UTRN: variants seen among roughly 807,000 people sequenced by gnomAD.
The protein encoded by UTRN is utrophin, also known as dystrophin-related protein 1.
In UTRN, 283 loss-of-function variants were observed where a neutral mutation model predicts 463.9. That is an observed-to-expected ratio of 0.61 (90% CI 0.55 to 0.67). The LOEUF (loss-of-function observed/expected upper bound fraction) is 0.67. Among genes scored for constraint, UTRN ranks in the 30% least tolerant of loss-of-function variants. The pLI is 0.00. For synonymous variants in UTRN, 1,442 were observed against 1,431.5 expected (o/e 1.01, Z -0.17); for missense variants, 3,922 against 4,084.3 (o/e 0.96, Z 1.08).
intron 2 of UTRN, chr6:144,344,443 T>C: frequency 1.0e-6 from 1 of 986,688 alleles, no homozygotes; most frequent in African/African-American, 1.7e-5. Context: ...CAGCCTGTCT[T>C]TCCTGCTGCC....
intron 25 of UTRN, among the ~76,000 whole-genome samples, chr6:144,476,054 C>T (rs578228081): frequency 3.4e-4 from 51 of 150,292 alleles, no homozygotes; most frequent in South Asian, 2.1e-3. Flanking sequence ...CCAGCCTGGG[C>T]GAAAGAGCCA....
At chr6:144,679,089 G>GT (rs1562754201) in intron 52 of UTRN, among the ~76,000 whole-genome samples, 1 of 152,002 alleles carries the variant, frequency 6.6e-6, no homozygotes, top group East Asian at 1.9e-4. Context: ...TAATCATGTT[G>GT]TTTTTTATGC....
chr6:144,637,982 C>T (rs1252842219), intron 51 of UTRN, among the ~76,000 whole-genome samples: 1 of 152,256 alleles, frequency 6.6e-6, no homozygotes, highest in South Asian at 2.1e-4. Flanking sequence ...ATAGAAGAGA[C>T]ATATTTAACC....
chr6:144,778,887 AT>A (rs1775573715), intron 60 of UTRN, among the ~76,000 whole-genome samples: 2 of 152,332 alleles, frequency 1.3e-5, no homozygotes, highest in South Asian at 4.1e-4. Flanking sequence ...GAAAATCTTA[AT>A]CATAATTTTC....
intron 2 of UTRN, among the ~76,000 whole-genome samples, chr6:144,292,934 A>G (rs960960581): frequency 6.6e-6 from 1 of 152,214 alleles, no homozygotes; most frequent in Non-Finnish European, 1.5e-5. Context: ...ATTTTCCTCC[A>G]TGATACCGGT....
chr6:144,769,556 C>T (rs150768614), intron 58 of UTRN, among the ~76,000 whole-genome samples: 25 of 152,298 alleles, frequency 1.6e-4, no homozygotes, highest in African/African-American at 2.4e-4. Context: ...CTTAGTCCTC[C>T]GCCTGACTGA....
At chr6:144,499,073 A>G (rs1276681907) in intron 33 of UTRN, among the ~76,000 whole-genome samples, 184 bp from the exon 34 acceptor site, 1 of 152,200 alleles carries the variant, frequency 6.6e-6, no homozygotes, top group East Asian at 1.9e-4. Flanking sequence ...CTTAACCACT[A>G]CAGCATATTG....
intron 47 of UTRN, among the ~76,000 whole-genome samples, chr6:144,549,359 A>G (rs1397488349): frequency 6.6e-6 from 1 of 152,236 alleles, no homozygotes; most frequent in Non-Finnish European, 1.5e-5. Flanking sequence ...GATACTGACA[A>G]GAATATTCTA....
At chr6:144,544,721 G>A (rs554866321) in intron 46 of UTRN, among the ~76,000 whole-genome samples, 10 of 150,898 alleles carry the variant, frequency 6.6e-5, no homozygotes, top group South Asian at 4.2e-4. Context: ...AACCTTTTTC[G>A]TTTTCCCACC....
At chr6:144,840,329 G>A (rs113856582) in intron 72 of UTRN, among the ~76,000 whole-genome samples, 3,200 of 152,012 alleles carry the variant, frequency 0.021, 104 homozygotes, top group African/African-American at 0.074. Context: ...AGGATAAGCT[G>A]GCCTAAGCTG....
Position 144,548,562 on chromosome 6 carries a change from T to C in UTRN, c.6596-78T>C, listed in dbSNP as rs181850779. 4.3e-4 allele frequency: 580 copies of C among 1,361,018 alleles called. No homozygotes were observed. The African/African-American group carries it at 6.2e-3, about 15-fold the overall frequency. The allele number at this position is 1,361,018 out of a possible 1,614,324, so 84.3% of individuals were successfully genotyped here. On this transcript the variant is annotated intron_variant, in intron 46 of 74. Transcript: ENST00000367545. ...AAACTAAATTTTATTTAAATACACA[T>C]ACACGTGTCACCATGACACCACCAT...
At chr6:144,404,575 C>T (rs1436742964) in intron 3 of UTRN, among the ~76,000 whole-genome samples, 2 of 152,150 alleles carry the variant, frequency 1.3e-5, no homozygotes, top group African/African-American at 4.8e-5. Context: ...TTAGATAGAA[C>T]AAGTGAAGCA....
At chr6:144,780,106 A>C (rs1171403137) in intron 60 of UTRN, among the ~76,000 whole-genome samples, 1 of 152,194 alleles carries the variant, frequency 6.6e-6, no homozygotes, top group Non-Finnish European at 1.5e-5. Flanking sequence ...TGTCTTTAAA[A>C]ATTCAAAATT....
chr6:144,676,345 A>G (rs1253145911), intron 51 of UTRN, among the ~76,000 whole-genome samples: 2 of 152,128 alleles, frequency 1.3e-5, no homozygotes, highest in African/African-American at 2.4e-5. Flanking sequence ...TAATAAAATA[A>G]TTAGGTTGAT....
intron 53 of UTRN, among the ~76,000 whole-genome samples, chr6:144,724,931 C>CT (rs1321899481): frequency 6.6e-6 from 1 of 152,096 alleles, no homozygotes; most frequent in Non-Finnish European, 1.5e-5. Flanking sequence ...ACATGTTTTT[C>CT]TTTTTCTTCG....
chr6:144,593,107 C>T (rs941231388), intron 51 of UTRN, among the ~76,000 whole-genome samples: 6 of 152,100 alleles, frequency 3.9e-5, no homozygotes, highest in Non-Finnish European at 8.8e-5. Context: ...GAAAACTCTG[C>T]GAATAGACTG....
chr6:144,421,003 C>T (rs1784786992), intron 3 of UTRN, among the ~76,000 whole-genome samples: 1 of 152,064 alleles, frequency 6.6e-6, no homozygotes, highest in South Asian at 2.1e-4. Context: ...TATGTCCAGA[C>T]TTTGTAGTGT....
chr6:144,350,158 G>GA (rs1777987847), intron 2 of UTRN, among the ~76,000 whole-genome samples: 1 of 151,836 alleles, frequency 6.6e-6, no homozygotes, highest in Non-Finnish European at 1.5e-5. Context: ...TGCTCTCAAG[G>GA]AAAAGGAGCA....
At chr6:144,505,469 T>C (rs1389519304) in intron 34 of UTRN, among the ~76,000 whole-genome samples, 3 of 152,214 alleles carry the variant, frequency 2.0e-5, no homozygotes, top group Non-Finnish European at 4.4e-5. Context: ...TTCCCATTGG[T>C]TTCAAAGAAC....
Sources: gnomAD v4.1 joint callset for allele counts (sites outside exome capture counted in the v4.1 genomes callset) on GRCh38, gnomAD v4.1.1 for gene constraint, MANE v1.5 for transcripts, NCBI Gene and HGNC (gene_info 2026-07-23, HGNC 2026-07-21) for gene names.